APBB1IP: variants seen among roughly 807,000 people sequenced by gnomAD.
The protein encoded by APBB1IP is amyloid beta A4 precursor protein-binding family B member 1-interacting protein.
Under a neutral mutation model 64.9 loss-of-function variants are expected in APBB1IP, and 27 were observed. The ratio of observed to expected loss-of-function variants is 0.42; its 90% CI spans 0.31 to 0.57. The LOEUF (loss-of-function observed/expected upper bound fraction) is 0.57. Among genes scored for constraint, APBB1IP ranks in the 20% least tolerant of loss-of-function variants. The pLI is 0.20. For missense variants in APBB1IP, 812 were observed against 845.5 expected (o/e 0.96, Z 0.49); for synonymous variants, 392 against 331.0 (o/e 1.18, Z -2.00).
intron 12 of APBB1IP, 91 bp from the exon 13 acceptor site, chr10:26,560,639 A>T: frequency 2.4e-6 from 2 of 832,052 alleles, no homozygotes; most frequent in African/African-American, 1.7e-5. Flanking sequence ...GCCGTGGAGT[A>T]TTTATTTCTT....
chr10:26,507,853 G>A (rs1159588811), intron 6 of APBB1IP, among the ~76,000 whole-genome samples: 1 of 152,160 alleles, frequency 6.6e-6, no homozygotes, highest in African/African-American at 2.4e-5. Flanking sequence ...GCTTCAGCTG[G>A]AGACTAAGAG....
chr10:26,488,408 T>A (rs983740346), intron 2 of APBB1IP, among the ~76,000 whole-genome samples: 2 of 152,086 alleles, frequency 1.3e-5, no homozygotes, highest in African/African-American at 2.4e-5. Flanking sequence ...GCTAATTTTT[T>A]AATTTTTTGT....
At chr10:26,510,877 A>C (rs1564364913) in intron 6 of APBB1IP, among the ~76,000 whole-genome samples, 1 of 151,848 alleles carries the variant, frequency 6.6e-6, no homozygotes, top group African/African-American at 2.4e-5. Flanking sequence ...CCCTGCTCTA[A>C]CTATCTGTCT....
intron 9 of APBB1IP, among the ~76,000 whole-genome samples, chr10:26,535,734 T>G (rs1836614187): frequency 6.6e-6 from 1 of 152,186 alleles, no homozygotes; most frequent in Non-Finnish European, 1.5e-5. Flanking sequence ...AGGCTTACTT[T>G]TACAATATGC....
chr10:26,448,748 T>G (rs1329979337), intron 2 of APBB1IP, among the ~76,000 whole-genome samples: 1 of 152,138 alleles, frequency 6.6e-6, no homozygotes, highest in African/African-American at 2.4e-5. Context: ...TTTTATCCTC[T>G]TTCTCCCCCA....
chr10:26,511,383 A>G (rs1836257797), intron 6 of APBB1IP, among the ~76,000 whole-genome samples: 1 of 152,216 alleles, frequency 6.6e-6, no homozygotes, highest in African/African-American at 2.4e-5. Context: ...ATAGCTTTTA[A>G]TCTAGAAAAG....
At chr10:26,539,242 C>G (rs1836666792) in intron 10 of APBB1IP, among the ~76,000 whole-genome samples, 1 of 151,958 alleles carries the variant, frequency 6.6e-6, no homozygotes, top group East Asian at 1.9e-4. Context: ...GAGACCCTGT[C>G]TGTACAAAAG....
chr10:26,458,385 C>T (rs1835552034), intron 2 of APBB1IP, among the ~76,000 whole-genome samples: 2 of 145,088 alleles, frequency 1.4e-5, no homozygotes, highest in African/African-American at 2.6e-5. Context: ...AAGACTCTGT[C>T]GAAAGGAAGG....
intron 10 of APBB1IP, 29 bp from the exon 11 acceptor site, chr10:26,541,553 G>C (rs1836697143): frequency 6.8e-7 from 1 of 1,481,090 alleles, no homozygotes; most frequent in Non-Finnish European, 9.4e-7. Context: ...CATCTCAGTT[G>C]AAGTTTTATT....
At chr10:26,542,074 CA>C (rs562805874) in intron 11 of APBB1IP, among the ~76,000 whole-genome samples, 1 of 151,420 alleles carries the variant, frequency 6.6e-6, no homozygotes, top group African/African-American at 2.4e-5. Flanking sequence ...AGAAAATAGC[CA>C]AAAAAAAGTT....
rs151305364 is a variant in APBB1IP at position 26,491,470 on chromosome 10, C to T, written c.1-857C>T. ...TAGCCTTGCCAAAAATGTCAGGAAA[C>T]AGAGCAGCCAGTTGCAACTCACAGT... is the stretch of plus-strand genomic sequence containing the variant. On this transcript the variant is annotated intron_variant, in intron 2 of 14. Transcript: ENST00000376236. 5.1e-3 allele frequency among the ~76,000 whole-genome samples: 773 copies of T among 152,276 alleles called. 3 individuals are homozygous for T. The highest frequency in any genetic ancestry group is 8.9e-3 in the Non-Finnish European group (603 of 68,022).
At chr10:26,486,525 G>A (rs577601769) in intron 2 of APBB1IP, among the ~76,000 whole-genome samples, 12 of 152,152 alleles carry the variant, frequency 7.9e-5, no homozygotes, top group Non-Finnish European at 1.0e-4. Context: ...GTAGTGAGTC[G>A]GAGCTACTTA....
chr10:26,491,274 T>C, intron 2 of APBB1IP, among the ~76,000 whole-genome samples: 1 of 151,348 alleles, frequency 6.6e-6, no homozygotes, highest in South Asian at 2.1e-4. Context: ...CAAGACTCCA[T>C]CTAAAAAAAG....
intron 3 of APBB1IP, among the ~76,000 whole-genome samples, chr10:26,494,216 C>A (rs1313396230): frequency 1.3e-5 from 2 of 152,220 alleles, no homozygotes; most frequent in African/African-American, 2.4e-5. Flanking sequence ...AAGCCCCTGG[C>A]ATCAAGATCA....
At chr10:26,506,241 G>A (rs571371681) in intron 6 of APBB1IP, among the ~76,000 whole-genome samples, 117 of 46,146 alleles carry the variant, frequency 2.5e-3, no homozygotes, top group African/African-American at 0.012. Flanking sequence ...TAACACTACC[G>A]TGTGTGTGTG....
intron 2 of APBB1IP, among the ~76,000 whole-genome samples, chr10:26,484,930 C>T (rs947870089): frequency 6.6e-6 from 1 of 152,002 alleles, no homozygotes; most frequent in Non-Finnish European, 1.5e-5. Context: ...GATGATTAAC[C>T]TATTACTTGA....
chr10:26,507,593 T>A (rs1227777308), intron 6 of APBB1IP, among the ~76,000 whole-genome samples: 1 of 152,130 alleles, frequency 6.6e-6, no homozygotes, highest in Non-Finnish European at 1.5e-5. Flanking sequence ...ATCTCACACA[T>A]GGATAAACAT....
Position 26,506,656 on chromosome 10 carries a change from A to G in APBB1IP, c.531+3382A>G, listed in dbSNP as rs557898279. On this transcript the variant is annotated intron_variant, in intron 6 of 14. Transcript: ENST00000376236. The stretch of plus-strand genomic sequence containing the variant: ...CTGGCCTACTTTACTTATTTGTCCT[A>G]TGTATTGCCCGTATCCCCTCCCCAC... Among the ~76,000 whole-genome samples the G allele has an allele frequency of 1.2e-4, 18 of 152,150 alleles. 2 individuals are homozygous for G. Among genetic ancestry groups the G allele is most frequent in the African/African-American group, 4.1e-4 (17 of 41,510 alleles).
chr10:26,500,778 C>G, intron 4 of APBB1IP, 41 bp from the exon 5 acceptor site: 1 of 1,547,532 alleles, frequency 6.5e-7, no homozygotes, highest in Non-Finnish European at 8.7e-7. Context: ...TTTCCAGATG[C>G]AAATAGGTTT....
Sources: gnomAD v4.1 joint callset for allele counts (sites outside exome capture counted in the v4.1 genomes callset) on GRCh38, gnomAD v4.1.1 for gene constraint, MANE v1.5 for transcripts, NCBI Gene and HGNC (gene_info 2026-07-23, HGNC 2026-07-21) for gene names.